SPEN: variants seen among roughly 807,000 people sequenced by gnomAD.
The protein encoded by SPEN is spen family transcriptional repressor.
Under a neutral mutation model 269.9 loss-of-function variants are expected in SPEN, and 18 were observed. That is an observed-to-expected ratio of 0.07 (90% confidence interval 0.05 to 0.10). The LOEUF is 0.10. Among genes scored for constraint, SPEN ranks in the 10% least tolerant of loss-of-function variants. The probability of loss-of-function intolerance (pLI) is 1.00; values close to 1 mark genes in which losing one functional copy is unlikely to be tolerated. For missense variants in SPEN, 3,822 were observed against 4,631.2 expected, an observed-to-expected ratio of 0.83 and a Z score of 5.07; for synonymous variants, 1,726 against 1,765.7, an observed-to-expected ratio of 0.98 and a Z score of 0.56.
At position 15,935,625 on chromosome 1, in the gene SPEN, A is replaced by G. The variant is rs776727623; in HGVS notation, c.9385A>G (p.Ile3129Val). 7.4e-6 allele frequency: 12 copies of G among 1,614,032 alleles called. No homozygotes were observed. In the South Asian group the frequency reaches 1.3e-4, roughly 18 times the overall value. ...TCGGGCTCCGCTGCAGCCCCAGCAA[A>G]TAGAGGTCAGGGCCCCACAGCGTGC... ...SPRAPLQPQQ[I>V]EVRAPQRAST... Residue 3129 changes from isoleucine (I) to valine (V), a missense_variant, in exon 11 of 15, where the codon ATA becomes GTA. Physicochemically the swap from Ile to Val is conservative, Grantham distance 29 (BLOSUM62 3). Around this residue, in one of 16 missense-constraint regions of SPEN, gnomAD observed 153 missense variants for 228.5 expected, o/e 0.67. Transcript: ENST00000375759. This position sits in a 1 kb window ranked among gnomAD's most constrained non-coding sequence, Gnocchi z 7.7.
chr1:15,933,255 C>G lies in SPEN; in HGVS notation c.7015C>G (p.Arg2339Gly), dbSNP rs142260411. The change falls in exon 11 of 15, where the codon CGC becomes GGC. Residue 2339 changes from arginine to glycine, a missense_variant. Physicochemically the swap from Arg to Gly is moderately radical, Grantham distance 125 (BLOSUM62 -2). This residue lies in a region of SPEN where 727 missense variants were observed against 737.9 expected (regional missense o/e 0.99). Coordinates refer to ENST00000375759, the MANE Select transcript of SPEN (RefSeq NM_015001.3). The surrounding 1 kb of genome is among the most constrained non-coding windows in gnomAD (Gnocchi z 5.7). ...AGGGCGCCAGAAAACAACCCGATCA[C>G]GCCGCAAGCGAAACACAAACAAGAA... Reference protein sequence around the residue: ...DKGRQKTTRSRRKRNTNKKVV... With the variant: ...DKGRQKTTRSGRKRNTNKKVV... The G allele has an allele frequency of 6.2e-7, 1 of 1,614,028 alleles. No individual in the cohort carries two copies. Among genetic ancestry groups the G allele is most frequent in the Non-Finnish European group, 8.5e-7 (1 of 1,180,056 alleles).
chr1:15,894,162 A>G (rs2070816301), intron 3 of SPEN, among the ~76,000 whole-genome samples: 1 of 152,158 alleles, frequency 6.6e-6, no homozygotes, highest in Non-Finnish European at 1.5e-5. Context: ...GAAACATTTT[A>G]GTTTTTTCAT....
At chr1:15,874,653 A>G (rs1037241061) in intron 2 of SPEN, among the ~76,000 whole-genome samples, 8 of 152,208 alleles carry the variant, frequency 5.3e-5, no homozygotes, top group Non-Finnish European at 1.2e-4. Context: ...AATCATTAAT[A>G]ATGGCTTTCA....
Position 15,934,328 on chromosome 1 carries a change from TGTGAATGTTCTTACGGGGCCA to T in SPEN, c.8100_8120del (p.Gly2702_Thr2708del), listed in dbSNP as rs752734364. Reference sequence around the variant, plus strand: ...GGCCCGTGAACGTCCTGAAAGGGCCTGTGAATGTTCTTACGGGGCCAGTGAATGTTCTCACCACTCCAGTGA... The same window carrying T: ...GGCCCGTGAACGTCCTGAAAGGGCCTGTGAATGTTCTCACCACTCCAGTGA... On this transcript the variant is annotated inframe_deletion, in exon 11 of 15. Transcript: ENST00000375759. This position sits in a 1 kb window ranked among gnomAD's most constrained non-coding sequence, Gnocchi z 9.2. 6.2e-6 allele frequency: 10 copies of T among 1,613,878 alleles called. No homozygotes were observed. The South Asian group carries it at 7.7e-5, about 12-fold the overall frequency.
At chr1:15,881,634 A>C (rs1432210326) in intron 3 of SPEN, among the ~76,000 whole-genome samples, 3 of 152,250 alleles carry the variant, frequency 2.0e-5, no homozygotes, top group Non-Finnish European at 4.4e-5. Flanking sequence ...AAATTGATGT[A>C]GATAGCTAAA....
chr1:15,894,207 A>G (rs1398393461), intron 3 of SPEN, among the ~76,000 whole-genome samples: 1 of 152,154 alleles, frequency 6.6e-6, no homozygotes, highest in African/African-American at 2.4e-5. Context: ...CCGTGTGACT[A>G]AGGGAATGAG....
rs1557758318 is a variant in SPEN at position 15,928,611 on chromosome 1, A to G, written c.2371A>G (p.Thr791Ala). The G allele has an allele frequency of 1.2e-6, 2 of 1,614,140 alleles. No individual in the cohort carries two copies. Among genetic ancestry groups the G allele is most frequent in the Non-Finnish European group, 1.7e-6 (2 of 1,180,040 alleles). Residue 791 changes from threonine (T) to alanine (A), a missense_variant, in exon 11 of 15, where the codon ACA becomes GCA. Around this residue, in one of 16 missense-constraint regions of SPEN, gnomAD observed 572 missense variants for 582.6 expected, o/e 0.98. Transcript: ENST00000375759. This position sits in a 1 kb window ranked among gnomAD's most constrained non-coding sequence, Gnocchi z 5.7. ...RLERYTKNEK[T>A]DKERTFDPER... ...GGAGCGCTATACAAAAAATGAAAAG[A>G]CAGATAAAGAACGAACTTTTGATCC...
rs958699493 is a variant in SPEN, at chr1:15,922,128, C to T, written c.1750-121C>T. 5 of 681,856 alleles carry T rather than the reference C, an allele frequency of 7.3e-6. No individual in the cohort carries two copies. In the Admixed American group the frequency reaches 1.5e-4, roughly 20 times the overall value. The allele number at this position is 681,856 out of a possible 1,614,324, so 42.2% of individuals were successfully genotyped here. On this transcript the variant is annotated intron_variant, in intron 9 of 14. Transcript: ENST00000375759. Reference sequence around the variant, plus strand: ...GATGAGGACTGTTTTACTTGAGATACATTGCTGTTTCCTGAAATTTTCTCA... The same window carrying T: ...GATGAGGACTGTTTTACTTGAGATATATTGCTGTTTCCTGAAATTTTCTCA...
intron 3 of SPEN, among the ~76,000 whole-genome samples, chr1:15,881,394 G>C (rs192788627): frequency 5.9e-4 from 90 of 152,212 alleles, no homozygotes; most frequent in Non-Finnish European, 1.2e-3. Context: ...TCCTACTCTT[G>C]GTACCTCAGA....
At chr1:15,857,439 C>T (rs1222513531) in intron 1 of SPEN, among the ~76,000 whole-genome samples, 6 of 152,088 alleles carry the variant, frequency 3.9e-5, no homozygotes, top group African/African-American at 9.7e-5. Context: ...TCACTGCAAC[C>T]TCTGCCTCCC....
chr1:15,929,335 A>G lies in SPEN; in HGVS notation c.3095A>G (p.Glu1032Gly). 1 of 1,613,572 alleles carries G rather than the reference A, an allele frequency of 6.2e-7. No homozygotes were observed. Among genetic ancestry groups the G allele is most frequent in the Non-Finnish European group, 8.5e-7 (1 of 1,179,862 alleles). ...VSSREVILLR[E>G]GEAERKPVRK... ...TCTAGAGAGGTCATTCTGCTGAGGG[A>G]AGGAGAGGCTGAAAGAAAGCCTGTG... Residue 1032 changes from glutamate to glycine, a missense_variant, in exon 11 of 15, where the codon GAA (glutamate) becomes GGA (glycine). Transcript: ENST00000375759. The surrounding 1 kb of genome is among the most constrained non-coding windows in gnomAD (Gnocchi z 5.8).
rs2071230097 is a variant in SPEN, at chr1:15,932,319, T to C, written c.6079T>C (p.Ser2027Pro). Reference sequence around the variant, plus strand: ...CCCCCAAATAGGCGTGAAAGAGAGCTCCATGGAACCCAAGGCTGCTGAGGA... The same window carrying C: ...CCCCCAAATAGGCGTGAAAGAGAGCCCCATGGAACCCAAGGCTGCTGAGGA... ...VGPQIGVKES[S>P]MEPKAAEEEA... The change falls in exon 11 of 15, where the codon TCC becomes CCC. Residue 2027 changes from serine to proline, a missense_variant. Around this residue, in one of 16 missense-constraint regions of SPEN, gnomAD observed 727 missense variants for 737.9 expected, o/e 0.99. Transcript: ENST00000375759. This position sits in a 1 kb window ranked among gnomAD's most constrained non-coding sequence, Gnocchi z 4.2. The C allele has an allele frequency of 6.2e-7, 1 of 1,610,822 alleles. No homozygotes were observed. Among genetic ancestry groups the C allele is most frequent in the African/African-American group, 1.3e-5 (1 of 74,524 alleles).
chr1:15,880,212 CT>C (rs2070673781), intron 3 of SPEN, among the ~76,000 whole-genome samples: 6 of 152,008 alleles, frequency 3.9e-5, no homozygotes, highest in Non-Finnish European at 7.4e-5. Flanking sequence ...TCTGTTACCA[CT>C]GTCTTATGTC....
At chr1:15,915,249 G>A (rs1219718093) in intron 5 of SPEN, among the ~76,000 whole-genome samples, 1 of 152,018 alleles carries the variant, frequency 6.6e-6, no homozygotes, top group East Asian at 1.9e-4. Context: ...AGTGGCTCAC[G>A]CCTGTCATCC....
In SPEN at chr1:15,937,297, A is replaced by G. The variant is rs1321926932; in HGVS notation, c.10161A>G (p.Gln3387=). Residue 3387 remains glutamine, a synonymous_variant, in exon 12 of 15, where the codon CAA becomes CAG. Coordinates refer to ENST00000375759, the MANE Select transcript of SPEN (RefSeq NM_015001.3). This position sits in a 1 kb window ranked among gnomAD's most constrained non-coding sequence, Gnocchi z 5.7. The stretch of plus-strand genomic sequence containing the variant: ...AGCCACCAAGCAGCAAGATGCCTCA[A>G]GTGTCCCAGGAGGCAAAGGGGACCC... The part of the protein sequence containing the change: ...PGQPPSSKMP[Q]VSQEAKGTQT... 6 of 1,613,774 alleles carry G rather than the reference A, an allele frequency of 3.7e-6. No homozygotes were observed. The highest frequency in any genetic ancestry group is 4.2e-6 in the Non-Finnish European group (5 of 1,179,984).
At chr1:15,872,401 G>C (rs1179176111) in intron 1 of SPEN, among the ~76,000 whole-genome samples, 1 of 151,844 alleles carries the variant, frequency 6.6e-6, no homozygotes, top group Non-Finnish European at 1.5e-5. Flanking sequence ...GACCATCCTG[G>C]CTAACACGGT....
intron 3 of SPEN, among the ~76,000 whole-genome samples, chr1:15,896,423 T>C (rs921422337): frequency 7.2e-5 from 11 of 152,018 alleles, no homozygotes; most frequent in Admixed American, 1.3e-4. Context: ...CTCAAACTCC[T>C]GACCTCAGGT....
chr1:15,938,586 ATTC>A, intron 13 of SPEN, 129 bp from the exon 14 acceptor site: 1 of 251,754 alleles, frequency 4.0e-6, no homozygotes, highest in Non-Finnish European at 6.1e-6. Flanking sequence ...TTTTTTTTTC[ATTC>A]AAATATCAGG....
chr1:15,860,004 C>T (rs962521395), intron 1 of SPEN, among the ~76,000 whole-genome samples: 6 of 145,588 alleles, frequency 4.1e-5, no homozygotes, highest in South Asian at 4.5e-4. Flanking sequence ...CTCCACCTCC[C>T]GGGTTCATGC....
Sources: gnomAD v4.1 joint callset for allele counts (sites outside exome capture counted in the v4.1 genomes callset) on GRCh38, gnomAD v4.1.1 for gene constraint, gnomAD v4.1.1 regional missense constraint, Gnocchi (gnomAD v3.1) non-coding constraint, MANE v1.5 for transcripts, NCBI Gene and HGNC (gene_info 2026-07-23, HGNC 2026-07-21) for gene names.